DCC: variants seen among roughly 807,000 people sequenced by gnomAD.
DCC encodes DCC netrin 1 receptor.
Under a neutral mutation model 172.5 loss-of-function variants are expected in DCC, and 58 were observed. The ratio of observed to expected loss-of-function variants is 0.34; its 90% CI spans 0.27 to 0.42. The LOEUF (loss-of-function observed/expected upper bound fraction) is 0.42. Ranked by LOEUF, DCC falls within the 10% of genes least tolerant of loss-of-function variation. The pLI, the probability that DCC is intolerant of heterozygous loss-of-function variation, is 1.00. For missense variants in DCC, 1,740 were observed against 1,791.0 expected, an observed-to-expected ratio of 0.97 and a Z score of 0.51; for synonymous variants, 709 against 644.5, an observed-to-expected ratio of 1.10 and a Z score of -1.52.
chr18:53,047,183 A>G (rs1343872812), intron 5 of DCC, among the ~76,000 whole-genome samples: 4 of 136,340 alleles, frequency 2.9e-5, no homozygotes, highest in African/African-American at 1.1e-4. Flanking sequence ...ACAATTTCCA[A>G]TGAATTCTCC....
chr18:53,512,477 C>T (rs1336709187), intron 27 of DCC, among the ~76,000 whole-genome samples: 1 of 150,250 alleles, frequency 6.7e-6, no homozygotes, highest in African/African-American at 2.5e-5. Flanking sequence ...CTTTGACGAG[C>T]TGAGAGAAGA....
At chr18:53,519,112 AAAGTT>A (rs1186042090) in intron 27 of DCC, among the ~76,000 whole-genome samples, 1 of 152,156 alleles carries the variant, frequency 6.6e-6, no homozygotes, top group Non-Finnish European at 1.5e-5. Flanking sequence ...ATCCAAATGT[AAAGTT>A]AAGTACAGGT....
chr18:53,025,419 TTGC>T (rs1463262367), intron 5 of DCC, among the ~76,000 whole-genome samples: 1 of 152,148 alleles, frequency 6.6e-6, no homozygotes, highest in African/African-American at 2.4e-5. Context: ...ACAGGATTGT[TTGC>T]CTTAGGGTTT....
Position 53,361,038 on chromosome 18 carries a change from T to C in DCC, c.2359+21131T>C, listed in dbSNP as rs74873594. On this transcript the variant is annotated intron_variant, in intron 15 of 28. Transcript: ENST00000442544. ...AAGGAAGTCTAGATGAGATCATCCTTATTAATCAGGTGGGCCCTAAATCCC... is the reference window on the plus strand; with the variant it reads ...AAGGAAGTCTAGATGAGATCATCCTCATTAATCAGGTGGGCCCTAAATCCC... 4.9e-3 allele frequency among the ~76,000 whole-genome samples: 751 copies of C among 152,164 alleles called. 7 individuals carry two copies. Among genetic ancestry groups the C allele is most frequent in the African/African-American group, 0.017 (699 of 41,514 alleles).
chr18:52,897,007 G>A (rs896317613), intron 2 of DCC, among the ~76,000 whole-genome samples: 12 of 152,140 alleles, frequency 7.9e-5, no homozygotes, highest in East Asian at 3.9e-4. Context: ...GGATGATTCC[G>A]GAGAATCCTG....
chr18:53,220,365 A>C (rs2055913806), intron 12 of DCC, among the ~76,000 whole-genome samples: 1 of 152,064 alleles, frequency 6.6e-6, no homozygotes, highest in Admixed American at 6.6e-5. Context: ...TCTTCTAGTC[A>C]ACGTTCATTT....
chr18:53,357,282 A>C (rs2057888133), intron 15 of DCC, among the ~76,000 whole-genome samples: 1 of 152,146 alleles, frequency 6.6e-6, no homozygotes, highest in Non-Finnish European at 1.5e-5. Context: ...ATTTAACCTG[A>C]GTGCTTTTAG....
chr18:52,584,993 T>C (rs553870782), intron 1 of DCC, among the ~76,000 whole-genome samples: 3 of 152,330 alleles, frequency 2.0e-5, no homozygotes, highest in Non-Finnish European at 4.4e-5. Flanking sequence ...TAGAACTTCA[T>C]TGGAGAGTAG....
chr18:53,285,091 G>T (rs1289311279), intron 12 of DCC, among the ~76,000 whole-genome samples: 1 of 152,118 alleles, frequency 6.6e-6, no homozygotes, highest in Non-Finnish European at 1.5e-5. Context: ...TGGAAAATTT[G>T]CAGCCTGACA....
intron 15 of DCC, among the ~76,000 whole-genome samples, chr18:53,375,446 G>A (rs1398821375): frequency 1.3e-5 from 2 of 152,062 alleles, no homozygotes; most frequent in Non-Finnish European, 2.9e-5. Flanking sequence ...TTTTGTTCCT[G>A]ACTAAAACTC....
At chr18:53,180,267 TATTA>T in intron 9 of DCC, among the ~76,000 whole-genome samples, 1 of 152,272 alleles carries the variant, frequency 6.6e-6, no homozygotes, top group Middle Eastern at 3.4e-3. Flanking sequence ...TGGAATAAAG[TATTA>T]ATTGAAGGGA....
At chr18:53,227,731 CTT>C (rs1350892009) in intron 12 of DCC, among the ~76,000 whole-genome samples, 4 of 152,138 alleles carry the variant, frequency 2.6e-5, no homozygotes, top group Non-Finnish European at 5.9e-5. Flanking sequence ...CTACAAATAA[CTT>C]TGTTCCAGGG....
intron 1 of DCC, among the ~76,000 whole-genome samples, chr18:52,619,730 T>C (rs1456590222): frequency 6.6e-6 from 1 of 152,160 alleles, no homozygotes; most frequent in Non-Finnish European, 1.5e-5. Context: ...AGTTTCCTAA[T>C]CTAATATTCT....
At chr18:52,977,777 C>T (rs907413831) in intron 5 of DCC, among the ~76,000 whole-genome samples, 7 of 151,456 alleles carry the variant, frequency 4.6e-5, no homozygotes, top group South Asian at 4.2e-4. Flanking sequence ...CCCAGCTACT[C>T]GTGAGGCTGA....
At chr18:53,409,240 A>G (rs994216079) in intron 19 of DCC, among the ~76,000 whole-genome samples, 3 of 152,108 alleles carry the variant, frequency 2.0e-5, no homozygotes, top group African/African-American at 7.2e-5. Context: ...GTGCATGGCT[A>G]TTTTCTGAGT....
At chr18:53,231,840 T>C (rs1236652956) in intron 12 of DCC, among the ~76,000 whole-genome samples, 2 of 152,108 alleles carry the variant, frequency 1.3e-5, no homozygotes, top group Non-Finnish European at 2.9e-5. Flanking sequence ...TCACCAAAAA[T>C]GTATCTTTAG....
chr18:52,709,267 C>T (rs2036258097), intron 1 of DCC, among the ~76,000 whole-genome samples: 1 of 152,126 alleles, frequency 6.6e-6, no homozygotes, highest in South Asian at 2.1e-4. Context: ...CTGTTCAATT[C>T]CAAGCTCATG....
At chr18:52,685,767 A>T (rs2035821356) in intron 1 of DCC, among the ~76,000 whole-genome samples, 1 of 152,030 alleles carries the variant, frequency 6.6e-6, no homozygotes, top group Non-Finnish European at 1.5e-5. Context: ...TTTTCAAATC[A>T]CGATCTGATA....
intron 27 of DCC, among the ~76,000 whole-genome samples, chr18:53,503,401 G>A (rs1185880639): frequency 6.6e-6 from 1 of 151,998 alleles, no homozygotes; most frequent in South Asian, 2.1e-4. Flanking sequence ...TTATAATAGA[G>A]TGCTTCCATT....
Sources: allele counts gnomAD v4.1 joint callset (sites outside exome capture counted in the v4.1 genomes callset), GRCh38; gene constraint gnomAD v4.1.1; transcripts MANE v1.5; gene names NCBI Gene and HGNC (gene_info 2026-07-23, HGNC 2026-07-21).